GBP4: variants seen among roughly 807,000 people sequenced by gnomAD.
GBP4 encodes the protein guanylate-binding protein 4.
In GBP4, 69 loss-of-function variants were observed where a neutral mutation model predicts 62.2. The ratio of observed to expected loss-of-function variants is 1.11; its 90% CI spans 0.91 to 1.36. GBP4 has a LOEUF of 1.36. Ranked by LOEUF, GBP4 falls within the 40% of genes most tolerant of loss-of-function variation. The pLI is 0.00. For missense variants in GBP4, 697 were observed against 759.3 expected (o/e 0.92, Z 0.96); for synonymous variants, 278 against 274.6 (o/e 1.01, Z -0.12).
Position 89,197,130 on chromosome 1 carries a change from C to T in GBP4, c.215G>A (p.Arg72His), listed in dbSNP as rs145994853. ...CTCACCATTGCGCTTTCCTGCAAGA[C>T]GATTCATGAGATAGGATTTTCCTGT... ...YRTGKSYLMNRLAGKRNGFPL... is the reference protein window; with the variant it reads ...YRTGKSYLMNHLAGKRNGFPL... Residue 72 changes from arginine (R) to histidine (H), a missense_variant, in exon 2 of 11, where the codon CGT (arginine) becomes CAT (histidine). Arg to His is a conservative substitution (Grantham distance 29). Transcript: ENST00000355754. 527 of 1,613,112 alleles carry T rather than the reference C, an allele frequency of 3.3e-4. 1 individual carries two copies. The African/African-American group carries it at 3.9e-3, about 12-fold the overall frequency.
At chr1:89,186,248 G>A in intron 10 of GBP4, 85 bp downstream of exon 10, 1 of 1,019,480 alleles carries the variant, frequency 9.8e-7, no homozygotes, top group Admixed American at 2.2e-5. Flanking sequence ...CTGGAATCAT[G>A]ACTGTGCCTA....
chr1:89,191,318 T>C lies in GBP4; in HGVS notation c.859A>G (p.Ile287Val), dbSNP rs1303853798. 1.9e-6 allele frequency: 3 copies of C among 1,614,214 alleles called. No homozygotes were observed. Among genetic ancestry groups the C allele is most frequent in the East Asian group, 2.2e-5 (1 of 44,888 alleles). Residue 287 changes from isoleucine to valine, a missense_variant, in exon 6 of 11, where the codon ATC becomes GTC. Transcript: ENST00000355754. ...LMQSDNFCSY[I>V]FTHAKTKTLR... ...GTCTTGGTCTTTGCATGGGTGAAGA[T>C]ATAAGAACAGAAGTTGTCTGATTGC...
chr1:89,197,262 A>G lies in GBP4; in HGVS notation c.83T>C (p.Leu28Pro). The G allele has an allele frequency of 6.2e-7, 1 of 1,614,104 alleles. No homozygotes were observed. Among genetic ancestry groups the G allele is most frequent in the Non-Finnish European group, 8.5e-7 (1 of 1,179,982 alleles). ...SESIMMAPIC[L>P]VENQEEQLTV... Reference sequence around the variant, plus strand: ...CAGCTGCTCTTCCTGGTTTTCCACTAGACAAATGGGGGCCATCATGATGGA... The same window carrying G: ...CAGCTGCTCTTCCTGGTTTTCCACTGGACAAATGGGGGCCATCATGATGGA... Residue 28 changes from leucine to proline, a missense_variant, in exon 2 of 11, where the codon CTA becomes CCA. Coordinates refer to ENST00000355754, the MANE Select transcript of GBP4 (RefSeq NM_052941.5).
chr1:89,198,896 A>G lies in GBP4; in HGVS notation c.-62T>C. ...GACTGTTCTTAGAAGCTGAAAGTCC[A>G]GCCGGATTTACAGACATCCAAGTAA... On this transcript the variant is annotated 5_prime_UTR_variant, in exon 1 of 11. Coordinates refer to ENST00000355754, the MANE Select transcript of GBP4 (RefSeq NM_052941.5). 1 of 1,501,206 alleles carries G rather than the reference A, an allele frequency of 6.7e-7. No individual in the cohort carries two copies. The highest frequency in any genetic ancestry group is 9.3e-7 in the Non-Finnish European group (1 of 1,076,858). The allele number at this position is 1,501,206 out of a possible 1,614,324, so 93.0% of individuals were successfully genotyped here. A position where few individuals can be genotyped will look rare whatever the true frequency, so the allele number is the denominator to read the frequency against.
Position 89,197,144 on chromosome 1 carries a change from G to A in GBP4, c.201C>T (p.Ser67=). The change falls in exon 2 of 11, where the codon TCC becomes TCT. Residue 67 remains serine, a synonymous_variant. Coordinates refer to ENST00000355754, the MANE Select transcript of GBP4 (RefSeq NM_052941.5). ...AIVGLYRTGK[S]YLMNRLAGKR... ...TTCCTGCAAGACGATTCATGAGATA[G>A]GATTTTCCTGTGCGGTATAGCCCTA... 6.2e-7 allele frequency: 1 copy of A among 1,613,740 alleles called. No homozygotes were observed. The highest frequency in any genetic ancestry group is 8.5e-7 in the Non-Finnish European group (1 of 1,179,772).
rs1303487837 is a variant in GBP4 at position 89,195,306 on chromosome 1, A to T, written c.354T>A (p.Asp118Glu). 6.2e-7 allele frequency: 1 copy of T among 1,613,664 alleles called. No individual in the cohort carries two copies. The highest frequency in any genetic ancestry group is 1.3e-5 in the African/African-American group (1 of 74,910). ...AGTTTCTCTGCCTTACCTTTTCTAC[A>T]TCGCCCAGGCCCTCGGTGTCCAGAA... ...LVLLDTEGLG[D>E]VEKSNPKNDS... Residue 118 changes from aspartate (D) to glutamate (E), a missense_variant, in exon 3 of 11, where the codon GAT (aspartate) becomes GAA (glutamate). Asp to Glu is a conservative substitution (Grantham distance 45). Coordinates refer to ENST00000355754, the MANE Select transcript of GBP4 (RefSeq NM_052941.5).
intron 10 of GBP4, 57 bp from the exon 11 acceptor site, chr1:89,185,526 G>T: frequency 1.1e-6 from 1 of 904,838 alleles, no homozygotes. Context: ...AGGAGTCAGA[G>T]TTTTGTATTT....
intron 5 of GBP4, among the ~76,000 whole-genome samples, chr1:89,192,286 C>G (rs939387003): frequency 2.0e-5 from 3 of 152,072 alleles, no homozygotes; most frequent in African/African-American, 7.2e-5. Context: ...AATAGATTGA[C>G]AACATATTTT....
At position 89,188,933 on chromosome 1, in the gene GBP4, TTTGTTCCC is replaced by T. The variant is rs1648110774; in HGVS notation, c.1198-147_1198-140del. ...GTAGACCAAGAGTCACAAGAATGATTTTGTTCCCAACTATGTGATCTGTGTGACCTGTG... is the reference window on the plus strand; with the variant it reads ...GTAGACCAAGAGTCACAAGAATGATTAACTATGTGATCTGTGTGACCTGTG... On this transcript the variant is annotated intron_variant, in intron 7 of 10. Coordinates refer to ENST00000355754, the MANE Select transcript of GBP4 (RefSeq NM_052941.5). 1.8e-5 allele frequency: 16 copies of T among 905,804 alleles called. No homozygotes were observed. The South Asian group carries it at 2.6e-4, about 15-fold the overall frequency. 56.1% of individuals were successfully genotyped at this position (905,804 alleles called of 1,614,324 possible).
At chr1:89,195,011 C>G (rs1250758598) in intron 3 of GBP4, among the ~76,000 whole-genome samples, 4 of 152,144 alleles carry the variant, frequency 2.6e-5, no homozygotes, top group African/African-American at 2.4e-5. Context: ...TGGCCTTTAC[C>G]TTGTTTACTG....
Position 89,192,894 on chromosome 1 carries a change from G to T in GBP4, c.670+10C>A. ...CTGAACCTTCCCACATCCAGGCCAT[G>T]CTCTGATACCTGGAATCAGCTTCAA... On this transcript the variant is annotated intron_variant, in intron 5 of 10. Coordinates refer to ENST00000355754, the MANE Select transcript of GBP4 (RefSeq NM_052941.5). 2.5e-6 allele frequency: 4 copies of T among 1,612,326 alleles called. No homozygotes were observed. The highest frequency in any genetic ancestry group is 3.4e-6 in the Non-Finnish European group (4 of 1,178,648).
chr1:89,191,934 GA>G (rs1056974447), intron 5 of GBP4, among the ~76,000 whole-genome samples: 2 of 152,070 alleles, frequency 1.3e-5, no homozygotes, highest in African/African-American at 2.4e-5. Flanking sequence ...ATGTTTCTTA[GA>G]AAAATATCAT....
rs1647954429 is a variant in GBP4 at position 89,183,763 on chromosome 1, C to G, written c.*1491G>C. ...GTCTTGGGTGTAAGCACCTGTAGTC[C>G]CAGCTATGTGGGGGGTTGAGGTGAA... On this transcript the variant is annotated 3_prime_UTR_variant, in exon 11 of 11. Transcript: ENST00000355754. 1 of 152,114 alleles carries G rather than the reference C, an allele frequency of 6.6e-6. No individual in the cohort carries two copies. The highest frequency in any genetic ancestry group is 2.1e-4 in the South Asian group (1 of 4,798). The allele number at this position is 152,114 out of a possible 1,614,324, so 9.4% of individuals were successfully genotyped here.
Position 89,198,881 on chromosome 1 carries a change from A to G in GBP4, c.-47T>C. The stretch of plus-strand genomic sequence containing the variant: ...GATCCTCGAGAAACGGACTGTTCTT[A>G]GAAGCTGAAAGTCCAGCCGGATTTA... On this transcript the variant is annotated 5_prime_UTR_variant, in exon 1 of 11. Coordinates refer to ENST00000355754, the MANE Select transcript of GBP4 (RefSeq NM_052941.5). 1 of 1,571,972 alleles carries G rather than the reference A, an allele frequency of 6.4e-7. No individual in the cohort carries two copies. Among genetic ancestry groups the G allele is most frequent in the Non-Finnish European group, 8.8e-7 (1 of 1,141,548 alleles).
Position 89,197,227 on chromosome 1 carries a change from A to T in GBP4, c.118T>A (p.Ser40Thr). 1 of 1,614,174 alleles carries T rather than the reference A, an allele frequency of 6.2e-7. No homozygotes were observed. Among genetic ancestry groups the T allele is most frequent in the South Asian group, 1.1e-5 (1 of 91,086 alleles). The change falls in exon 2 of 11, where the codon TCA (serine) becomes ACA (threonine). Residue 40 changes from serine (S) to threonine (T), a missense_variant. Transcript: ENST00000355754. ...ENQEEQLTVN[S>T]KALEILDKIS... ...TTGTCAAGAATCTCTAATGCCTTTG[A>T]ATTCACTGTCAGCTGCTCTTCCTGG...
At chr1:89,186,186 A>T in intron 10 of GBP4, 147 bp downstream of exon 10, 6 of 657,984 alleles carry the variant, frequency 9.1e-6, no homozygotes, top group Non-Finnish European at 1.6e-5. Flanking sequence ...GCTTCAGTAG[A>T]ATTTAGATGT....
Position 89,182,455 on chromosome 1 carries a change from A to T in GBP4, c.*2799T>A, listed in dbSNP as rs2100670980. The T allele has an allele frequency of 6.6e-6, 1 of 152,080 alleles. No individual in the cohort carries two copies. Among genetic ancestry groups the T allele is most frequent in the East Asian group, 1.9e-4 (1 of 5,154 alleles). 9.4% of individuals were successfully genotyped at this position (152,080 alleles called of 1,614,324 possible). Reference sequence around the variant, plus strand: ...TATACAATGTCTGGAATCTATGAATAACATCGGTTTCTAAGTTATGAGTTG... The same window carrying T: ...TATACAATGTCTGGAATCTATGAATTACATCGGTTTCTAAGTTATGAGTTG... On this transcript the variant is annotated 3_prime_UTR_variant, in exon 11 of 11. Coordinates refer to ENST00000355754, the MANE Select transcript of GBP4 (RefSeq NM_052941.5).
chr1:89,190,126 A>G lies in GBP4; in HGVS notation c.1109T>C (p.Val370Ala). 1 of 1,614,128 alleles carries G rather than the reference A, an allele frequency of 6.2e-7. No homozygotes were observed. Among genetic ancestry groups the G allele is most frequent in the Non-Finnish European group, 8.5e-7 (1 of 1,179,994 alleles). ...PTDTLQELLDVHAACEREAIA... is the reference protein window; with the variant it reads ...PTDTLQELLDAHAACEREAIA... The stretch of plus-strand genomic sequence containing the variant: ...GGCTTCCCTCTCACAGGCTGCATGC[A>G]CGTCCAGCAGCTCCTGGAGCGTGTC... Residue 370 changes from valine (V) to alanine (A), a missense_variant, in exon 7 of 11, where the codon GTG (valine) becomes GCG (alanine). Physicochemically the swap from Val to Ala is moderately conservative, Grantham distance 64 (BLOSUM62 0). Around this residue, in one of 2 missense-constraint regions of GBP4, gnomAD observed 556 missense variants for 562.7 expected, o/e 0.99. Transcript: ENST00000355754.
chr1:89,186,226 T>G, intron 10 of GBP4, 107 bp downstream of exon 10: 1 of 824,746 alleles, frequency 1.2e-6, no homozygotes, highest in Non-Finnish European at 2.0e-6. Flanking sequence ...CATACAACTT[T>G]TGTGTTTCCT....
Sources: gnomAD v4.1 joint callset for allele counts (sites outside exome capture counted in the v4.1 genomes callset) on GRCh38, gnomAD v4.1.1 for gene constraint, gnomAD v4.1.1 regional missense constraint, MANE v1.5 for transcripts, NCBI Gene and HGNC (gene_info 2026-07-23, HGNC 2026-07-21) for gene names.